The following NDUFAF2 variants were observed in gnomAD, a reference collection of about 807,000 sequenced individuals.
The protein encoded by NDUFAF2 is NADH dehydrogenase [ubiquinone] 1 alpha subcomplex assembly factor 2.
Under a neutral mutation model 22.8 loss-of-function variants are expected in NDUFAF2, and 13 were observed. The ratio of observed to expected loss-of-function variants is 0.57; its 90% CI spans 0.37 to 0.91. The LOEUF (loss-of-function observed/expected upper bound fraction) is 0.91, where lower values mean the gene tolerates loss of function less well. Among genes scored for constraint, NDUFAF2 ranks in the 40% least tolerant of loss-of-function variants. NDUFAF2 has a pLI of 0.01. For synonymous variants in NDUFAF2, 53 were observed against 64.2 expected, an observed-to-expected ratio of 0.83 and a Z score of 0.84; for missense variants, 162 against 195.2, an observed-to-expected ratio of 0.83 and a Z score of 1.01.
Position 61,046,706 on chromosome 5 carries a change from C to T in NDUFAF2, c.128-26419C>T, listed in dbSNP as rs143475158. Among the ~76,000 whole-genome samples the T allele has an allele frequency of 2.3e-3, 347 of 152,190 alleles. 1 individual carries two copies. The highest frequency in any genetic ancestry group is 7.9e-3 in the African/African-American group (328 of 41,534). ...AATTCAAGATAACCTTGGGAATAAGCAGTTTTAAAGACCAAAGTAAAGTAA... is the reference window on the plus strand; with the variant it reads ...AATTCAAGATAACCTTGGGAATAAGTAGTTTTAAAGACCAAAGTAAAGTAA... On this transcript the variant is annotated intron_variant, in intron 1 of 3. Transcript: ENST00000296597.
At chr5:60,989,105 T>A (rs1315161379) in intron 1 of NDUFAF2, among the ~76,000 whole-genome samples, 1 of 150,698 alleles carries the variant, frequency 6.6e-6, no homozygotes, top group Admixed American at 6.6e-5. Flanking sequence ...CCCAAACACA[T>A]GAACAGATGT....
intron 1 of NDUFAF2, among the ~76,000 whole-genome samples, chr5:60,960,010 G>C (rs78179005): frequency 6.6e-6 from 1 of 152,092 alleles, no homozygotes; most frequent in Non-Finnish European, 1.5e-5. Context: ...GTTCACAGTC[G>C]TACCTGTCAG....
chr5:60,946,063 A>G (rs545322964), intron 1 of NDUFAF2, among the ~76,000 whole-genome samples: 10 of 152,094 alleles, frequency 6.6e-5, no homozygotes, highest in Non-Finnish European at 1.5e-4. Flanking sequence ...TCATGGTGTT[A>G]CTGTGTAGGA....
At position 61,005,498 on chromosome 5, in the gene NDUFAF2, G is replaced by A. The variant is rs563830347; in HGVS notation, c.127+60116G>A. Among the ~76,000 whole-genome samples, 97 of 152,162 alleles carry A rather than the reference G, an allele frequency of 6.4e-4. 1 individual carries two copies. Among genetic ancestry groups the A allele is most frequent in the East Asian group, 1.9e-4 (1 of 5,170 alleles). ...AAATGGTATTTCTAGTTCTAGATCCGTGAGGAATTGCCACACTGTCTTCCA... is the reference window on the plus strand; with the variant it reads ...AAATGGTATTTCTAGTTCTAGATCCATGAGGAATTGCCACACTGTCTTCCA... On this transcript the variant is annotated intron_variant, in intron 1 of 3. Transcript: ENST00000296597.
intron 3 of NDUFAF2, among the ~76,000 whole-genome samples, chr5:61,152,201 C>T (rs1741252183): frequency 6.6e-6 from 1 of 152,018 alleles, no homozygotes; most frequent in African/African-American, 2.4e-5. Context: ...TGCCATACCA[C>T]TCCAGAAGAG....
intron 3 of NDUFAF2, among the ~76,000 whole-genome samples, chr5:61,151,918 A>C (rs896707706): frequency 6.6e-6 from 1 of 152,208 alleles, no homozygotes; most frequent in African/African-American, 2.4e-5. Flanking sequence ...TTCAAATATT[A>C]ATATCTCTGA....
At chr5:61,145,666 T>C (rs775534539) in intron 3 of NDUFAF2, among the ~76,000 whole-genome samples, 1 of 152,162 alleles carries the variant, frequency 6.6e-6, no homozygotes, top group Non-Finnish European at 1.5e-5. Flanking sequence ...CATAAACAAC[T>C]CAAGCCTAAA....
chr5:61,108,674 A>G (rs1752798667), intron 3 of NDUFAF2, among the ~76,000 whole-genome samples: 1 of 152,088 alleles, frequency 6.6e-6, no homozygotes, highest in Non-Finnish European at 1.5e-5. Flanking sequence ...ATTCTTCCAC[A>G]TATAGATATC....
intron 3 of NDUFAF2, among the ~76,000 whole-genome samples, chr5:61,141,700 C>T (rs1176674527): frequency 6.9e-6 from 1 of 145,204 alleles, no homozygotes; most frequent in African/African-American, 2.5e-5. Context: ...ATGAAAAACA[C>T]ATGAATGAAT....
chr5:60,973,498 A>G (rs1042100678), intron 1 of NDUFAF2, among the ~76,000 whole-genome samples: 10 of 152,220 alleles, frequency 6.6e-5, no homozygotes, highest in Non-Finnish European at 1.0e-4. Context: ...CAAGGCTACA[A>G]ACATGCGTGA....
intron 1 of NDUFAF2, among the ~76,000 whole-genome samples, chr5:60,986,474 T>G (rs1751079215): frequency 6.6e-6 from 1 of 152,078 alleles, no homozygotes; most frequent in African/African-American, 2.4e-5. Flanking sequence ...ATGGCAGCAT[T>G]AAGAGGGAAA....
At chr5:61,122,077 AC>A (rs1035778058) in intron 3 of NDUFAF2, among the ~76,000 whole-genome samples, 22 of 151,390 alleles carry the variant, frequency 1.5e-4, no homozygotes, top group African/African-American at 5.3e-4. Context: ...CAATCTACCC[AC>A]CTTGGCCTCA....
chr5:61,056,161 C>T (rs1580115580), intron 1 of NDUFAF2, among the ~76,000 whole-genome samples: 1 of 152,176 alleles, frequency 6.6e-6, no homozygotes, highest in Non-Finnish European at 1.5e-5. Flanking sequence ...TGTTCAACTC[C>T]AATTATTTTA....
At chr5:61,055,765 T>C (rs1292572387) in intron 1 of NDUFAF2, among the ~76,000 whole-genome samples, 1 of 152,138 alleles carries the variant, frequency 6.6e-6, no homozygotes. Flanking sequence ...GGACACTGTT[T>C]TTGTAGTATA....
At position 61,126,814 on chromosome 5, in the gene NDUFAF2, C is replaced by G. The variant is rs79107668; in HGVS notation, c.259-25890C>G. ...AGCACTACTGAAGCAGATAGAGACACAAAAAAACCCTTCAAAAAAATCAAT... is the reference window on the plus strand; with the variant it reads ...AGCACTACTGAAGCAGATAGAGACAGAAAAAAACCCTTCAAAAAAATCAAT... On this transcript the variant is annotated intron_variant, in intron 3 of 3. Transcript: ENST00000296597. Among the ~76,000 whole-genome samples the G allele has an allele frequency of 6.4e-4, 97 of 151,624 alleles. 3 individuals are homozygous for G. In the East Asian group the frequency reaches 0.018, roughly 29 times the overall value.
At chr5:61,087,375 C>T (rs186929306) in intron 2 of NDUFAF2, among the ~76,000 whole-genome samples, 17 of 151,914 alleles carry the variant, frequency 1.1e-4, no homozygotes, top group Non-Finnish European at 2.1e-4. Context: ...TTATGGCAGC[C>T]GAAGCAGACT....
chr5:61,095,986 G>A (rs1039005204), intron 2 of NDUFAF2, among the ~76,000 whole-genome samples: 8 of 152,072 alleles, frequency 5.3e-5, no homozygotes, highest in East Asian at 1.9e-4. Flanking sequence ...GTTTCTAGTC[G>A]TCCATCTTGG....
chr5:61,025,186 C>T (rs1260016191), intron 1 of NDUFAF2, among the ~76,000 whole-genome samples: 1 of 151,954 alleles, frequency 6.6e-6, no homozygotes, highest in East Asian at 1.9e-4. Context: ...AGGTAAAGGA[C>T]TGTATTCTGC....
At chr5:61,099,520 A>G (rs1174161862) in intron 3 of NDUFAF2, among the ~76,000 whole-genome samples, 1 of 151,556 alleles carries the variant, frequency 6.6e-6, no homozygotes, top group African/African-American at 2.4e-5. Flanking sequence ...CAATTATTTT[A>G]TAACAGTAAT....
Sources: gnomAD v4.1 joint callset for allele counts (sites outside exome capture counted in the v4.1 genomes callset) on GRCh38, gnomAD v4.1.1 for gene constraint, MANE v1.5 for transcripts, NCBI Gene and HGNC (gene_info 2026-07-23, HGNC 2026-07-21) for gene names.